The following NFIB variants were observed in gnomAD, a reference collection of about 807,000 sequenced individuals.
NFIB encodes nuclear factor I B, also known as nuclear factor 1 B-type.
NFIB carries 11 observed loss-of-function variants against 61.5 expected under a neutral mutation model. The ratio of observed to expected loss-of-function variants is 0.18; its 90% CI spans 0.11 to 0.30. The LOEUF is 0.30. NFIB is among the 10% of genes least tolerant of loss of function. The probability of loss-of-function intolerance (pLI) is 1.00; values close to 1 mark genes in which losing one functional copy is unlikely to be tolerated. For missense variants in NFIB, 471 were observed against 608.9 expected (o/e 0.77, Z 2.38); for synonymous variants, 260 against 216.5 (o/e 1.20, Z -1.76).
At chr9:14,166,490 A>G (rs145574432) in intron 3 of NFIB, among the ~76,000 whole-genome samples, 1 of 152,338 alleles carries the variant, frequency 6.6e-6, no homozygotes, top group African/African-American at 2.4e-5. Context: ...TTCATCCAGG[A>G]CATTTCAAAA....
At chr9:14,163,123 T>C (rs1014481215) in intron 3 of NFIB, among the ~76,000 whole-genome samples, 1 of 152,026 alleles carries the variant, frequency 6.6e-6, no homozygotes, top group Non-Finnish European at 1.5e-5. Flanking sequence ...TGCATAATCT[T>C]TTCAAGTAAT....
rs1222876338 is a variant in NFIB, at chr9:14,398,751, A to G, written c.-120T>C. 4 of 652,744 alleles carry G rather than the reference A, an allele frequency of 6.1e-6. No homozygotes were observed. The East Asian group carries it at 1.2e-4, about 19-fold the overall frequency. The allele number at this position is 652,744 out of a possible 1,614,324, so 40.4% of individuals were successfully genotyped here. A position where few individuals can be genotyped will look rare whatever the true frequency, so the allele number is the denominator to read the frequency against. ...CAAACGCAGCTTCATAGGAATGAACAGGCAGAAGGTCCGAAGAGTTTGAGG... is the reference window on the plus strand; with the variant it reads ...CAAACGCAGCTTCATAGGAATGAACGGGCAGAAGGTCCGAAGAGTTTGAGG... On this transcript the variant is annotated 5_prime_UTR_variant, in exon 1 of 9. Coordinates refer to the NFIB transcript ENST00000380934.
chr9:14,085,354 C>G lies in NFIB; in HGVS notation c.*2955G>C. On this transcript the variant is annotated 3_prime_UTR_variant, in exon 11 of 11. Transcript: ENST00000380953. Reference sequence around the variant, plus strand: ...TCACCAATTCTGAAAGATTTTCCTTCTAGTAATGAATACACTCAATGGGAC... The same window carrying G: ...TCACCAATTCTGAAAGATTTTCCTTGTAGTAATGAATACACTCAATGGGAC... The G allele has an allele frequency of 4.4e-6, 1 of 225,036 alleles. No homozygotes were observed. Among genetic ancestry groups the G allele is most frequent in the South Asian group, 1.8e-4 (1 of 5,456 alleles). 13.9% of individuals were successfully genotyped at this position (225,036 alleles called of 1,614,324 possible).
chr9:14,484,603 A>T, the NFIB span, among the ~76,000 whole-genome samples: 28 of 152,352 alleles, frequency 1.8e-4, no homozygotes, highest in African/African-American at 6.5e-4. Context: ...AATTCAGGTA[A>T]CTATAAATTA....
At chr9:14,440,892 G>A in the NFIB span, among the ~76,000 whole-genome samples, 12 of 152,114 alleles carry the variant, frequency 7.9e-5, no homozygotes, top group African/African-American at 2.9e-4. Flanking sequence ...AAGGTATTAA[G>A]AGAAAAATGT....
At chr9:14,372,113 T>C (rs2061365045) in intron 1 of NFIB, among the ~76,000 whole-genome samples, 1 of 151,466 alleles carries the variant, frequency 6.6e-6, no homozygotes. Flanking sequence ...CCAAAACTGT[T>C]TTTTTTTTCA....
intron 1 of NFIB, among the ~76,000 whole-genome samples, chr9:14,351,005 G>T (rs181919911): frequency 6.6e-6 from 1 of 152,222 alleles, no homozygotes; most frequent in Non-Finnish European, 1.5e-5. Flanking sequence ...TGGCAAAGGA[G>T]ACTCGGAGGG....
At chr9:14,177,299 T>C (rs1398303679) in intron 3 of NFIB, among the ~76,000 whole-genome samples, 1 of 152,166 alleles carries the variant, frequency 6.6e-6, no homozygotes, top group African/African-American at 2.4e-5. Flanking sequence ...AAAAGAAGCT[T>C]TTAATAGAAA....
intron 8 of NFIB, among the ~76,000 whole-genome samples, chr9:14,118,614 C>T (rs560951167): frequency 8.8e-4 from 134 of 152,112 alleles, no homozygotes; most frequent in African/African-American, 3.0e-3. Flanking sequence ...TCTTTTAAGG[C>T]TGTTAATAGA....
intron 2 of NFIB, chr9:14,300,380 C>G (rs112063348): frequency 1.8e-5 from 7 of 396,124 alleles, no homozygotes; most frequent in African/African-American, 1.0e-4. Context: ...ATTATGTTGG[C>G]TAATCATTTG....
At chr9:14,398,704 T>G in exon 1 of NFIB, 1 of 1,098,718 alleles carries the variant, frequency 9.1e-7, no homozygotes, top group Non-Finnish European at 1.3e-6. Context: ...GAATGTTTGC[T>G]CCAGGTCACC....
In NFIB at chr9:14,143,991, A is replaced by T. The variant is rs1433930386; in HGVS notation, c.925+2698T>A. Reference sequence around the variant, plus strand: ...AGGGTCTTCAGAATTAAAGTGACAGAGTGTGTGTGTGTGTGTGTGTGTGTG... The same window carrying T: ...AGGGTCTTCAGAATTAAAGTGACAGTGTGTGTGTGTGTGTGTGTGTGTGTG... On this transcript the variant is annotated intron_variant, in intron 6 of 10. Coordinates refer to ENST00000380953, the MANE Select transcript of NFIB (RefSeq NM_001190737.2). Among the ~76,000 whole-genome samples, 9 of 134,232 alleles carry T rather than the reference A, an allele frequency of 6.7e-5. No individual in the cohort carries two copies. In the East Asian group the frequency reaches 1.3e-3, roughly 20 times the overall value. 88.1% of individuals were successfully genotyped at this position (134,232 alleles called of 152,430 possible). A position where few individuals can be genotyped will look rare whatever the true frequency, so the allele number is the denominator to read the frequency against.
At chr9:14,311,031 ATAT>A (rs1273578903) in intron 1 of NFIB, among the ~76,000 whole-genome samples, 3 of 152,138 alleles carry the variant, frequency 2.0e-5, no homozygotes, top group South Asian at 2.1e-4. Context: ...ATTGAAAGTT[ATAT>A]TATTAATGGT....
the NFIB span, among the ~76,000 whole-genome samples, chr9:14,438,685 C>G: frequency 6.6e-6 from 1 of 152,128 alleles, no homozygotes; most frequent in Non-Finnish European, 1.5e-5. Flanking sequence ...CTGACACAGC[C>G]CCCTGGAATA....
At chr9:14,324,707 C>T (rs750596855) in intron 1 of NFIB, among the ~76,000 whole-genome samples, 1 of 152,092 alleles carries the variant, frequency 6.6e-6, no homozygotes, top group Non-Finnish European at 1.5e-5. Flanking sequence ...TTTATTTAGT[C>T]ATAAAATGTA....
the NFIB span, among the ~76,000 whole-genome samples, chr9:14,413,960 G>T: frequency 1.3e-5 from 2 of 152,064 alleles, no homozygotes; most frequent in African/African-American, 4.8e-5. Context: ...AATCCTACTT[G>T]GTTCAAGGGT....
chr9:14,502,481 A>G, the NFIB span, among the ~76,000 whole-genome samples: 1 of 152,194 alleles, frequency 6.6e-6, no homozygotes, highest in African/African-American at 2.4e-5. Context: ...ATTGGAAAGA[A>G]AGTGGTGCAA....
the NFIB span, among the ~76,000 whole-genome samples, chr9:14,508,387 T>C: frequency 2.6e-5 from 4 of 152,138 alleles, no homozygotes; most frequent in African/African-American, 9.7e-5. Flanking sequence ...ATATATCCCT[T>C]TTGGGAAATT....
At chr9:14,187,121 T>G (rs1422507975) in intron 2 of NFIB, among the ~76,000 whole-genome samples, 6 of 151,714 alleles carry the variant, frequency 4.0e-5, no homozygotes, top group Non-Finnish European at 5.9e-5. Context: ...TGTCTCTCTG[T>G]CTCTTTTCAA....
Sources: allele counts gnomAD v4.1 joint callset (sites outside exome capture counted in the v4.1 genomes callset), GRCh38; gene constraint gnomAD v4.1.1; transcripts MANE v1.5; gene names NCBI Gene and HGNC (gene_info 2026-07-23, HGNC 2026-07-21).